CDH12: variants seen among roughly 807,000 people sequenced by gnomAD.
The protein encoded by CDH12 is cadherin 12.
A neutral mutation model predicts 74.1 loss-of-function variants in CDH12; 41 were observed. The ratio of observed to expected loss-of-function variants is 0.55; its 90% confidence interval spans 0.43 to 0.72. The LOEUF is 0.72. Among genes scored for constraint, CDH12 ranks in the 30% least tolerant of loss-of-function variants. The pLI is 0.00. For missense variants in CDH12, 945 were observed against 977.2 expected (o/e 0.97, Z 0.44); for synonymous variants, 399 against 355.0 (o/e 1.12, Z -1.39).
chr5:22,322,873 T>A (rs1738942925), intron 3 of CDH12, among the ~76,000 whole-genome samples: 1 of 152,166 alleles, frequency 6.6e-6, no homozygotes, highest in Non-Finnish European at 1.5e-5. Context: ...ATTAATATTT[T>A]ACACATTAAA....
chr5:22,562,473 G>T (rs1454314741), intron 1 of CDH12, among the ~76,000 whole-genome samples: 1 of 152,070 alleles, frequency 6.6e-6, no homozygotes, highest in Non-Finnish European at 1.5e-5. Context: ...TCTCTCCTTT[G>T]TCTCTCCTAA....
At chr5:22,663,368 A>G (rs6452088) in intron 1 of CDH12, among the ~76,000 whole-genome samples, 103,786 of 152,026 alleles carry the variant, frequency 0.68, 35,599 homozygotes, top group Admixed American at 0.74. Context: ...TAGTTCTCAC[A>G]GCAATCAAAG....
At chr5:22,456,609 C>T (rs1580668232) in intron 2 of CDH12, among the ~76,000 whole-genome samples, 1 of 149,598 alleles carries the variant, frequency 6.7e-6, no homozygotes, top group South Asian at 2.1e-4. Flanking sequence ...CCATGACCTA[C>T]TCTTCTAAAT....
chr5:22,098,885 C>G (rs1319237540), intron 4 of CDH12, among the ~76,000 whole-genome samples: 1 of 152,126 alleles, frequency 6.6e-6, no homozygotes, highest in African/African-American at 2.4e-5. Flanking sequence ...TGCTATAGTA[C>G]AAGCCACTAG....
chr5:22,427,674 G>A (rs1208548847), intron 2 of CDH12, among the ~76,000 whole-genome samples: 2 of 152,090 alleles, frequency 1.3e-5, no homozygotes, highest in Non-Finnish European at 2.9e-5. Flanking sequence ...CTAGTTCATG[G>A]TCTGATATCC....
At chr5:22,364,218 A>C (rs6889081) in intron 3 of CDH12, among the ~76,000 whole-genome samples, 111,492 of 152,010 alleles carry the variant, frequency 0.73, 42,073 homozygotes, top group Non-Finnish European at 0.82. Context: ...GGATATTATC[A>C]ATTATAGGCA....
At chr5:22,309,217 TC>T (rs1385547861) in intron 3 of CDH12, among the ~76,000 whole-genome samples, 2 of 152,166 alleles carry the variant, frequency 1.3e-5, no homozygotes, top group Non-Finnish European at 2.9e-5. Context: ...TTCCTTCTTC[TC>T]TAAGGTTGTT....
intron 3 of CDH12, among the ~76,000 whole-genome samples, chr5:22,294,691 C>A (rs1383669923): frequency 1.3e-5 from 2 of 152,138 alleles, no homozygotes; most frequent in Non-Finnish European, 1.5e-5. Context: ...GAGGAAGCCA[C>A]AAGCACAAGT....
intron 6 of CDH12, among the ~76,000 whole-genome samples, chr5:21,880,558 C>T (rs1752214575): frequency 1.6e-5 from 2 of 123,580 alleles, no homozygotes; most frequent in African/African-American, 6.1e-5. Context: ...TTCCTTCCTT[C>T]CTTCCCTTCT....
intron 6 of CDH12, among the ~76,000 whole-genome samples, chr5:21,880,530 CTTCTT>C (rs1561267871): frequency 2.4e-5 from 3 of 127,632 alleles, no homozygotes; most frequent in Non-Finnish European, 3.4e-5. Flanking sequence ...TTCTTTCTTC[CTTCTT>C]TTCCTTCCTT....
chr5:22,572,435 T>C (rs1318669424), intron 1 of CDH12, among the ~76,000 whole-genome samples: 4 of 152,178 alleles, frequency 2.6e-5, no homozygotes, highest in Non-Finnish European at 4.4e-5. Flanking sequence ...ACTTATTTTA[T>C]TTCTTTCACA....
At chr5:22,479,868 C>T (rs1379422895) in intron 2 of CDH12, among the ~76,000 whole-genome samples, 1 of 152,010 alleles carries the variant, frequency 6.6e-6, no homozygotes, top group Admixed American at 6.6e-5. Context: ...AAAATGAAGC[C>T]AAAGACAAAC....
At chr5:21,926,957 G>A (rs1164800413) in intron 6 of CDH12, among the ~76,000 whole-genome samples, 1 of 152,104 alleles carries the variant, frequency 6.6e-6, no homozygotes, top group Non-Finnish European at 1.5e-5. Flanking sequence ...GAAAAGGAAC[G>A]TTTTTAAGAT....
At position 22,762,975 on chromosome 5, in the gene CDH12, C is replaced by T. The variant is rs549106882; in HGVS notation, c.-523+90083G>A. Among the ~76,000 whole-genome samples the T allele has an allele frequency of 1.9e-3, 295 of 151,712 alleles. 1 individual carries two copies. The highest frequency in any genetic ancestry group is 6.7e-3 in the African/African-American group (279 of 41,342). On this transcript the variant is annotated intron_variant, in intron 1 of 14. Coordinates refer to ENST00000382254, the MANE Select transcript of CDH12 (RefSeq NM_004061.5). ...AGTCACTTGAGCCCAGAATCCTGAA[C>T]ACTGAAAATTAAAAAAAAAATACAT...
At chr5:22,391,961 G>C (rs1742266407) in intron 3 of CDH12, among the ~76,000 whole-genome samples, 1 of 152,140 alleles carries the variant, frequency 6.6e-6, no homozygotes, top group African/African-American at 2.4e-5. Context: ...ATTTAAGCAA[G>C]AGGCAGCAAT....
chr5:22,481,032 A>G (rs796806586), intron 2 of CDH12, among the ~76,000 whole-genome samples: 10 of 152,350 alleles, frequency 6.6e-5, no homozygotes, highest in African/African-American at 2.4e-4. Context: ...TATTAAAAAA[A>G]TTATTATGAC....
intron 10 of CDH12, among the ~76,000 whole-genome samples, chr5:21,785,946 A>G (rs572925470): frequency 6.6e-6 from 1 of 152,308 alleles, no homozygotes; most frequent in South Asian, 2.1e-4. Flanking sequence ...GCTAGAGAGA[A>G]GTCAATGCCT....
intron 4 of CDH12, among the ~76,000 whole-genome samples, chr5:22,203,595 C>T (rs1018320807): frequency 4.6e-5 from 7 of 152,104 alleles, no homozygotes; most frequent in Non-Finnish European, 1.0e-4. Context: ...ATGTTATTTC[C>T]TTTGGATACA....
chr5:22,413,754 C>T (rs10057433), intron 2 of CDH12, among the ~76,000 whole-genome samples: 41,217 of 151,888 alleles, frequency 0.27, 5,661 homozygotes, highest in East Asian at 0.34. Context: ...ATTACTTTAT[C>T]AGCTTTCTGC....
Sources: allele counts gnomAD v4.1 joint callset (sites outside exome capture counted in the v4.1 genomes callset), GRCh38; gene constraint gnomAD v4.1.1; transcripts MANE v1.5; gene names NCBI Gene and HGNC (gene_info 2026-07-23, HGNC 2026-07-21).